ADAMTS6: variants seen among roughly 807,000 people sequenced by gnomAD.
The protein encoded by ADAMTS6 is A disintegrin and metalloproteinase with thrombospondin motifs 6.
In ADAMTS6, 23 loss-of-function variants were observed where a neutral mutation model predicts 144.3. The ratio of observed to expected loss-of-function variants is 0.16; its 90% CI spans 0.11 to 0.23. The LOEUF is 0.23. ADAMTS6 is among the 10% of genes least tolerant of loss of function. The pLI is 1.00. For synonymous variants in ADAMTS6, 444 were observed against 457.5 expected, an observed-to-expected ratio of 0.97 and a Z score of 0.38; for missense variants, 999 against 1,379.6, an observed-to-expected ratio of 0.72 and a Z score of 4.37.
chr5:65,280,480 CT>C (rs938150961), intron 11 of ADAMTS6, among the ~76,000 whole-genome samples: 7 of 152,144 alleles, frequency 4.6e-5, no homozygotes, highest in Non-Finnish European at 8.8e-5. Context: ...AAAGACCTTT[CT>C]TTAGGCCTTT....
chr5:65,160,245 G>A (rs902745313), intron 24 of ADAMTS6, among the ~76,000 whole-genome samples: 15 of 152,174 alleles, frequency 9.9e-5, no homozygotes, highest in African/African-American at 3.4e-4. Flanking sequence ...CTGGAGGAAA[G>A]GGGATCCTCT....
intron 9 of ADAMTS6, among the ~76,000 whole-genome samples, chr5:65,323,710 T>G (rs9800132): frequency 0.073 from 11,040 of 152,212 alleles, 579 homozygotes; most frequent in African/African-American, 0.14. Flanking sequence ...TCCACGATGG[T>G]TGAACTAGTT....
chr5:65,207,279 G>GA (rs1297747944), intron 20 of ADAMTS6, among the ~76,000 whole-genome samples: 1 of 151,384 alleles, frequency 6.6e-6, no homozygotes, highest in Non-Finnish European at 1.5e-5. Context: ...AAAAATCTAG[G>GA]AAAAAAAATT....
chr5:65,222,800 T>A (rs2112377572), intron 18 of ADAMTS6, among the ~76,000 whole-genome samples: 1 of 152,046 alleles, frequency 6.6e-6, no homozygotes, highest in East Asian at 1.9e-4. Flanking sequence ...CTTTGCAATA[T>A]TGGAGCAGGT....
chr5:65,411,846 T>A (rs904638011), intron 7 of ADAMTS6, among the ~76,000 whole-genome samples: 11 of 152,192 alleles, frequency 7.2e-5, no homozygotes, highest in African/African-American at 2.4e-4. Flanking sequence ...GAGTGCTCTT[T>A]AGTTCCCTTT....
intron 10 of ADAMTS6, among the ~76,000 whole-genome samples, chr5:65,293,893 C>A (rs185212232): frequency 6.6e-6 from 1 of 152,044 alleles, no homozygotes; most frequent in Non-Finnish European, 1.5e-5. Flanking sequence ...TACATTTTTA[C>A]AGAAGAATAA....
chr5:65,448,516 G>A (rs1024099108), intron 7 of ADAMTS6, among the ~76,000 whole-genome samples: 3 of 151,180 alleles, frequency 2.0e-5, no homozygotes, highest in East Asian at 1.9e-4. Context: ...GCAGTTGTGC[G>A]ATCTAGGCTC....
At chr5:65,384,249 T>C (rs1726709853) in intron 7 of ADAMTS6, among the ~76,000 whole-genome samples, 1 of 152,218 alleles carries the variant, frequency 6.6e-6, no homozygotes, top group Non-Finnish European at 1.5e-5. Flanking sequence ...GGCTGAGAAT[T>C]TTCCAAGTCT....
At chr5:65,241,107 A>C (rs906714669) in intron 15 of ADAMTS6, among the ~76,000 whole-genome samples, 5 of 152,170 alleles carry the variant, frequency 3.3e-5, no homozygotes, top group African/African-American at 1.2e-4. Flanking sequence ...TGAAGAAAGT[A>C]TAGTAAAACG....
At chr5:65,388,425 C>G (rs956160836) in intron 7 of ADAMTS6, among the ~76,000 whole-genome samples, 1 of 152,152 alleles carries the variant, frequency 6.6e-6, no homozygotes, top group Non-Finnish European at 1.5e-5. Context: ...AGCCTACACT[C>G]AGTTGAGCTC....
At chr5:65,259,485 C>T (rs1351629107) in intron 14 of ADAMTS6, among the ~76,000 whole-genome samples, 1 of 152,062 alleles carries the variant, frequency 6.6e-6, no homozygotes, top group Non-Finnish European at 1.5e-5. Context: ...GTTGTAGTTT[C>T]CCGGAAGCCT....
At chr5:65,317,704 C>A (rs1745150648) in intron 9 of ADAMTS6, among the ~76,000 whole-genome samples, 1 of 152,108 alleles carries the variant, frequency 6.6e-6, no homozygotes, top group Non-Finnish European at 1.5e-5. Context: ...GCTCAAACAA[C>A]TCTACAGGAA....
chr5:65,407,264 C>T (rs964829501), intron 7 of ADAMTS6, among the ~76,000 whole-genome samples: 3 of 151,792 alleles, frequency 2.0e-5, no homozygotes, highest in African/African-American at 7.3e-5. Context: ...AAAGGGAAGC[C>T]CATCAGACTA....
intron 14 of ADAMTS6, among the ~76,000 whole-genome samples, chr5:65,248,489 C>T (rs1759837360): frequency 1.3e-5 from 2 of 152,070 alleles, no homozygotes; most frequent in African/African-American, 4.8e-5. Context: ...AAAACTCTTT[C>T]CCTGAGCTTA....
At chr5:65,318,550 A>C (rs186256730) in intron 9 of ADAMTS6, among the ~76,000 whole-genome samples, 216 of 152,364 alleles carry the variant, frequency 1.4e-3, no homozygotes, top group African/African-American at 5.1e-3. Context: ...TTCAGCCATA[A>C]GAAAGAATGA....
chr5:65,376,555 G>A (rs996275212), intron 7 of ADAMTS6, among the ~76,000 whole-genome samples: 2 of 152,120 alleles, frequency 1.3e-5, no homozygotes, highest in African/African-American at 2.4e-5. Context: ...TTACAGGCCC[G>A]GCATGGTGGC....
rs201944968 is a variant in ADAMTS6, at chr5:65,214,972, A to G, written c.2437-40T>C. 520 of 1,586,632 alleles carry G rather than the reference A, an allele frequency of 3.3e-4. No homozygotes were observed. The highest frequency in any genetic ancestry group is 4.0e-4 in the Non-Finnish European group (472 of 1,167,298). On this transcript the variant is annotated intron_variant, in intron 19 of 24. Coordinates refer to ENST00000381055, the MANE Select transcript of ADAMTS6 (RefSeq NM_197941.4). This position sits in a 1 kb window ranked among gnomAD's most constrained non-coding sequence, Gnocchi z 4.6. ...AACTGGTGAAGACAATTAAAATACA[A>G]TGAGCCTTCATTCAGATATTTATTA...
At chr5:65,371,860 G>C (rs12018053) in intron 7 of ADAMTS6, among the ~76,000 whole-genome samples, 1 of 151,824 alleles carries the variant, frequency 6.6e-6, no homozygotes, top group African/African-American at 2.4e-5. Context: ...AAATGTTAAG[G>C]GCAGCCAGAG....
chr5:65,275,361 A>AAG (rs1452183139), intron 11 of ADAMTS6, among the ~76,000 whole-genome samples: 6 of 42,184 alleles, frequency 1.4e-4, no homozygotes, highest in African/African-American at 5.4e-4. Flanking sequence ...AAGAGAAAGA[A>AAG]AGAAAGAAAG....
Sources: gnomAD v4.1 joint callset for allele counts (sites outside exome capture counted in the v4.1 genomes callset) on GRCh38, gnomAD v4.1.1 for gene constraint, Gnocchi (gnomAD v3.1) non-coding constraint, MANE v1.5 for transcripts, NCBI Gene and HGNC (gene_info 2026-07-23, HGNC 2026-07-21) for gene names.